Variants in ROR2 observed in about 807,000 individuals in gnomAD.
ROR2 encodes tyrosine-protein kinase transmembrane receptor ROR2.
In ROR2, 33 loss-of-function variants were observed where a neutral mutation model predicts 74.9. The observed-to-expected ratio is 0.44, with a 90% CI of 0.33 to 0.59. The LOEUF is 0.59. Among genes scored for constraint, ROR2 ranks in the 20% least tolerant of loss-of-function variants. ROR2 has a pLI of 0.02. For synonymous variants in ROR2, 586 were observed against 558.7 expected (o/e 1.05, Z -0.69); for missense variants, 1,216 against 1,313.8 (o/e 0.93, Z 1.15).
intron 1 of ROR2, among the ~76,000 whole-genome samples, chr9:91,811,902 CCA>C (rs1274575656): frequency 1.3e-5 from 2 of 152,188 alleles, no homozygotes; most frequent in Admixed American, 6.5e-5. Context: ...GGGGAGCTCC[CCA>C]CACACTCCAA....
At chr9:91,829,221 G>C (rs1169405067) in intron 1 of ROR2, among the ~76,000 whole-genome samples, 1 of 152,160 alleles carries the variant, frequency 6.6e-6, no homozygotes, top group East Asian at 1.9e-4. Context: ...ACCCTTCTCA[G>C]AAGTGTATGG....
chr9:91,789,806 T>C (rs1462240468), intron 1 of ROR2, among the ~76,000 whole-genome samples: 1 of 151,074 alleles, frequency 6.6e-6, no homozygotes, highest in Non-Finnish European at 1.5e-5. Context: ...AGTAGCAAAA[T>C]GGTAGAAGTA....
intron 1 of ROR2, among the ~76,000 whole-genome samples, chr9:91,821,991 T>C (rs55663665): frequency 0.29 from 44,502 of 151,532 alleles, 6,803 homozygotes; most frequent in Admixed American, 0.45. Flanking sequence ...CTAAAATATA[T>C]ATATACAAAA....
chr9:91,883,962 C>T (rs1830198165), intron 1 of ROR2, among the ~76,000 whole-genome samples: 1 of 152,098 alleles, frequency 6.6e-6, no homozygotes, highest in Non-Finnish European at 1.5e-5. Context: ...CAATGCAGTG[C>T]CATGTTATGG....
intron 1 of ROR2, among the ~76,000 whole-genome samples, chr9:91,800,527 G>A (rs929457687): frequency 7.2e-5 from 11 of 152,066 alleles, no homozygotes; most frequent in African/African-American, 2.7e-4. Flanking sequence ...GTGGCCTCAA[G>A]GAAAGGAGCA....
chr9:91,814,046 G>A (rs1827841912), intron 1 of ROR2, among the ~76,000 whole-genome samples: 1 of 152,160 alleles, frequency 6.6e-6, no homozygotes, highest in African/African-American at 2.4e-5. Flanking sequence ...GTTCCAGCCG[G>A]GTATGGTGGC....
intron 1 of ROR2, among the ~76,000 whole-genome samples, chr9:91,814,971 A>G (rs1827881715): frequency 1.3e-5 from 2 of 152,230 alleles, no homozygotes; most frequent in Non-Finnish European, 2.9e-5. Flanking sequence ...GTCGGTGACA[A>G]TGCCTCGAAG....
chr9:91,908,098 A>G (rs1322698543), intron 1 of ROR2, among the ~76,000 whole-genome samples: 1 of 152,228 alleles, frequency 6.6e-6, no homozygotes, highest in Non-Finnish European at 1.5e-5. Flanking sequence ...TGGAATCCAA[A>G]CTGAGTCTGG....
At chr9:91,886,453 T>C (rs1449018406) in intron 1 of ROR2, among the ~76,000 whole-genome samples, 1 of 152,000 alleles carries the variant, frequency 6.6e-6, no homozygotes, top group East Asian at 1.9e-4. Context: ...CACACCGCGA[T>C]CTGTCTACAC....
chr9:91,821,217 C>T (rs773022170), intron 1 of ROR2, among the ~76,000 whole-genome samples: 12 of 152,124 alleles, frequency 7.9e-5, no homozygotes, highest in African/African-American at 1.2e-4. Context: ...GGAGAACCAA[C>T]CCTGCCCACA....
At chr9:91,780,249 A>C (rs7046896) in intron 1 of ROR2, among the ~76,000 whole-genome samples, 35,173 of 151,744 alleles carry the variant, frequency 0.23, 4,260 homozygotes, top group Middle Eastern at 0.34. Flanking sequence ...TGGTGGCAGG[A>C]GCCTGTAGTC....
At chr9:91,771,939 T>C (rs888630612) in intron 2 of ROR2, among the ~76,000 whole-genome samples, 3 of 152,228 alleles carry the variant, frequency 2.0e-5, no homozygotes, top group Non-Finnish European at 4.4e-5. Flanking sequence ...GATGATTGGG[T>C]TAAATAAATA....
At chr9:91,826,394 A>T (rs1828291185) in intron 1 of ROR2, among the ~76,000 whole-genome samples, 1 of 152,202 alleles carries the variant, frequency 6.6e-6, no homozygotes. Context: ...GTTCCTTAAA[A>T]AACAACAACA....
intron 1 of ROR2, among the ~76,000 whole-genome samples, chr9:91,927,431 C>A (rs916005722): frequency 1.3e-5 from 2 of 152,206 alleles, no homozygotes; most frequent in Non-Finnish European, 2.9e-5. Flanking sequence ...GCCAGAGGAC[C>A]CTGAAGGGGG....
intron 6 of ROR2, among the ~76,000 whole-genome samples, chr9:91,731,391 T>A (rs901903437): frequency 5.3e-5 from 8 of 152,032 alleles, no homozygotes; most frequent in Non-Finnish European, 8.8e-5. Flanking sequence ...CCCAGAACCA[T>A]CTCTTGGGAC....
At chr9:91,907,891 C>G (rs1328775373) in intron 1 of ROR2, among the ~76,000 whole-genome samples, 1 of 152,150 alleles carries the variant, frequency 6.6e-6, no homozygotes, top group Non-Finnish European at 1.5e-5. Flanking sequence ...TTGGCCACCC[C>G]ACACCCAGGG....
At chr9:91,940,108 C>T (rs1239259336) in intron 1 of ROR2, among the ~76,000 whole-genome samples, 1 of 152,184 alleles carries the variant, frequency 6.6e-6, no homozygotes, top group African/African-American at 2.4e-5. Context: ...CCACGGGAAC[C>T]CCAGAGCACA....
intron 1 of ROR2, among the ~76,000 whole-genome samples, chr9:91,781,230 GCA>G (rs1439404532): frequency 1.3e-5 from 2 of 152,188 alleles, no homozygotes; most frequent in African/African-American, 4.8e-5. Context: ...CAGGGAAAAA[GCA>G]CAGCCTGAGA....
rs1188113593 is a variant in ROR2, at chr9:91,723,627, G to A, written c.*35C>T. ...TGAGGTCCCTGTGGGGTCTCGGCGG[G>A]GCTTCTATCCCCGAACCCCGGGCCC... On this transcript the variant is annotated 3_prime_UTR_variant, in exon 9 of 9. Coordinates refer to ENST00000375708, the MANE Select transcript of ROR2 (RefSeq NM_004560.4). 9 of 1,609,626 alleles carry A rather than the reference G, an allele frequency of 5.6e-6. No homozygotes were observed. Among genetic ancestry groups the A allele is most frequent in the South Asian group, 2.2e-5 (2 of 90,758 alleles).
Sources: gnomAD v4.1 joint callset for allele counts (sites outside exome capture counted in the v4.1 genomes callset) on GRCh38, gnomAD v4.1.1 for gene constraint, MANE v1.5 for transcripts, NCBI Gene and HGNC (gene_info 2026-07-23, HGNC 2026-07-21) for gene names.